The following QTMAN variants were observed in gnomAD, a reference collection of about 807,000 sequenced individuals.
The protein encoded by QTMAN is tRNA-queuosine alpha-mannosyltransferase.
At chr2:144,270,246 G>A in the QTMAN span, among the ~76,000 whole-genome samples, 5 of 152,120 alleles carry the variant, frequency 3.3e-5, no homozygotes. Flanking sequence ...AGACAGTGTG[G>A]CAATTCCTCA....
At chr2:144,016,108 A>C in the QTMAN span, among the ~76,000 whole-genome samples, 1 of 152,138 alleles carries the variant, frequency 6.6e-6, no homozygotes, top group Non-Finnish European at 1.5e-5. Flanking sequence ...CAGTTAGCAA[A>C]TATTCATTCA....
chr2:144,164,657 A>G, the QTMAN span, among the ~76,000 whole-genome samples: 2 of 152,100 alleles, frequency 1.3e-5, no homozygotes, highest in African/African-American at 4.8e-5. Context: ...TAATTCCTAT[A>G]CCTTAGAATC....
chr2:144,062,438 T>A, the QTMAN span, among the ~76,000 whole-genome samples: 1 of 152,222 alleles, frequency 6.6e-6, no homozygotes, highest in South Asian at 2.1e-4. Flanking sequence ...CCAGGCAGTG[T>A]GACTCTAGAA....
At chr2:144,301,987 A>C in the QTMAN span, among the ~76,000 whole-genome samples, 2 of 152,228 alleles carry the variant, frequency 1.3e-5, no homozygotes, top group Non-Finnish European at 2.9e-5. Flanking sequence ...ACTATCTGAA[A>C]ATAGACTGCT....
chr2:144,299,095 T>C, the QTMAN span, among the ~76,000 whole-genome samples: 20 of 152,212 alleles, frequency 1.3e-4, no homozygotes, highest in African/African-American at 4.6e-4. Flanking sequence ...ACTACTGCTA[T>C]AGAACACTTC....
At chr2:144,141,636 T>A in the QTMAN span, among the ~76,000 whole-genome samples, 1 of 150,016 alleles carries the variant, frequency 6.7e-6, no homozygotes, top group Non-Finnish European at 1.5e-5. Flanking sequence ...CCGGGCTGCT[T>A]TGGCAAACAA....
the QTMAN span, among the ~76,000 whole-genome samples, chr2:143,974,683 G>T: frequency 1.3e-5 from 2 of 151,718 alleles, no homozygotes; most frequent in Non-Finnish European, 2.9e-5. Context: ...ATCTTTAGGG[G>T]TTGTTATGTT....
At chr2:143,970,368 T>C in the QTMAN span, among the ~76,000 whole-genome samples, 1 of 152,370 alleles carries the variant, frequency 6.6e-6, no homozygotes, top group East Asian at 1.9e-4. Context: ...ATTCCCACTT[T>C]CCTTAAGTGT....
At chr2:144,248,429 A>C in the QTMAN span, among the ~76,000 whole-genome samples, 1 of 152,258 alleles carries the variant, frequency 6.6e-6, no homozygotes, top group Non-Finnish European at 1.5e-5. Flanking sequence ...AAACACAAAG[A>C]AAATAAATTA....
the QTMAN span, among the ~76,000 whole-genome samples, chr2:143,986,971 AG>A: frequency 6.6e-6 from 1 of 152,170 alleles, no homozygotes; most frequent in African/African-American, 2.4e-5. Flanking sequence ...CCTGGACTAG[AG>A]GTAAAGGGCT....
chr2:143,997,621 T>A, the QTMAN span, among the ~76,000 whole-genome samples: 1 of 152,096 alleles, frequency 6.6e-6, no homozygotes, highest in East Asian at 1.9e-4. Flanking sequence ...TTAATTTTAA[T>A]ACCCTTTTTA....
the QTMAN span, among the ~76,000 whole-genome samples, chr2:144,206,408 T>C: frequency 6.6e-6 from 1 of 152,216 alleles, no homozygotes; most frequent in East Asian, 1.9e-4. Context: ...ATGCACGCAT[T>C]TGTAAACTTA....
chr2:144,133,336 A>C, the QTMAN span, among the ~76,000 whole-genome samples: 3 of 59,142 alleles, frequency 5.1e-5, no homozygotes, highest in East Asian at 4.7e-4. Context: ...TACATATATA[A>C]ATATATATTA....
chr2:144,299,911 T>C, the QTMAN span, among the ~76,000 whole-genome samples: 1 of 152,242 alleles, frequency 6.6e-6, no homozygotes, highest in Non-Finnish European at 1.5e-5. Context: ...TATATGTATA[T>C]ACAATGTAAT....
At chr2:144,127,161 C>T in the QTMAN span, among the ~76,000 whole-genome samples, 4 of 151,916 alleles carry the variant, frequency 2.6e-5, no homozygotes, top group Non-Finnish European at 5.9e-5. Flanking sequence ...AACAGGTTTT[C>T]AATCAGAGTC....
At chr2:144,073,841 A>T in the QTMAN span, among the ~76,000 whole-genome samples, 3 of 152,348 alleles carry the variant, frequency 2.0e-5, no homozygotes, top group African/African-American at 7.2e-5. Flanking sequence ...GTGTTGAGTG[A>T]AACGTACATT....
the QTMAN span, among the ~76,000 whole-genome samples, chr2:144,087,252 C>A: frequency 6.6e-6 from 1 of 152,000 alleles, no homozygotes; most frequent in Non-Finnish European, 1.5e-5. Context: ...TTGAGAAAAA[C>A]CAACTCAAAG....
the QTMAN span, among the ~76,000 whole-genome samples, chr2:144,034,368 C>T: frequency 2.0e-5 from 3 of 152,198 alleles, no homozygotes; most frequent in Non-Finnish European, 4.4e-5. Flanking sequence ...TATTTGTCTG[C>T]CTGCTATCCC....
chr2:144,286,530 C>T, the QTMAN span, among the ~76,000 whole-genome samples: 1 of 152,206 alleles, frequency 6.6e-6, no homozygotes, highest in African/African-American at 2.4e-5. Context: ...AGTCAAACTA[C>T]ACACCTTGTT....
Sources: allele counts gnomAD v4.1 joint callset (sites outside exome capture counted in the v4.1 genomes callset), GRCh38; gene constraint gnomAD v4.1.1; transcripts MANE v1.5; gene names NCBI Gene and HGNC (gene_info 2026-07-23, HGNC 2026-07-21).